The following SYNE2 variants were observed in gnomAD, a reference collection of about 807,000 sequenced individuals.
The protein encoded by SYNE2 is nesprin-2.
A neutral mutation model predicts 856.3 loss-of-function variants in SYNE2; 431 were observed. That is an observed-to-expected ratio of 0.50 (90% CI 0.47 to 0.55). The LOEUF is 0.55. Among genes scored for constraint, SYNE2 ranks in the 20% least tolerant of loss-of-function variants. The probability of loss-of-function intolerance (pLI) is 0.00; values close to 1 mark genes in which losing one functional copy is unlikely to be tolerated. For synonymous variants in SYNE2, 2,923 were observed against 2,872.3 expected (o/e 1.02, Z -0.56); for missense variants, 8,129 against 8,023.2 (o/e 1.01, Z -0.50).
chr14:64,106,839 A>T (rs969754342), intron 64 of SYNE2, among the ~76,000 whole-genome samples: 2 of 152,158 alleles, frequency 1.3e-5, no homozygotes, highest in Non-Finnish European at 2.9e-5. Flanking sequence ...ATACAATGAG[A>T]ATTTATTGTT....
chr14:63,977,480 G>C (rs1006668222), intron 12 of SYNE2, among the ~76,000 whole-genome samples: 1 of 152,154 alleles, frequency 6.6e-6, no homozygotes, highest in Non-Finnish European at 1.5e-5. Context: ...CCATAGTGCT[G>C]GGATTACAGG....
At chr14:64,208,600 GA>G (rs1472743301) in intron 100 of SYNE2, among the ~76,000 whole-genome samples, 157 bp from the exon 101 acceptor site, 1 of 152,204 alleles carries the variant, frequency 6.6e-6, no homozygotes, top group Non-Finnish European at 1.5e-5. Flanking sequence ...ACAAAGATGA[GA>G]GGGATTCCAT....
chr14:64,112,146 T>C (rs964376670), intron 65 of SYNE2, among the ~76,000 whole-genome samples: 1 of 152,234 alleles, frequency 6.6e-6, no homozygotes, highest in Non-Finnish European at 1.5e-5. Flanking sequence ...ACCAATTTTG[T>C]TCGCTCTTTT....
In SYNE2 at chr14:63,963,940, G is replaced by A; in HGVS notation, c.930G>A (p.Lys310=). The A allele has an allele frequency of 5.0e-6, 8 of 1,613,056 alleles. No homozygotes were observed. The highest frequency in any genetic ancestry group is 5.9e-6 in the Non-Finnish European group (7 of 1,179,282). Residue 310 remains lysine (K), a synonymous_variant, in exon 10 of 116, where the codon AAG becomes AAA. Coordinates refer to ENST00000555002, the MANE Select transcript of SYNE2 (RefSeq NM_182914.3). Reference sequence around the variant, plus strand: ...CTATGGGCTGGTTAACTCTGCAAAAGGAAAAACTACAGAAGTTGCTAAAGG... The same window carrying A: ...CTATGGGCTGGTTAACTCTGCAAAAAGAAAAACTACAGAAGTTGCTAAAGG... ...KDAMGWLTLQ[K]EKLQKLLKDS... is the part of the protein sequence containing the mutation.
At chr14:64,074,334 CAG>C (rs1251592287) in intron 53 of SYNE2, among the ~76,000 whole-genome samples, 198 bp downstream of exon 53, 1 of 152,184 alleles carries the variant, frequency 6.6e-6, no homozygotes, top group African/African-American at 2.4e-5. Context: ...GAGCAGAGAA[CAG>C]AGTTGAAACA....
At position 64,146,232 on chromosome 14, in the gene SYNE2, G is replaced by C; in HGVS notation, c.15639+9G>C. 1.2e-6 allele frequency: 2 copies of C among 1,603,446 alleles called. No homozygotes were observed. The highest frequency in any genetic ancestry group is 1.7e-6 in the Non-Finnish European group (2 of 1,175,438). ...TGCTCCTGGACTGTCAGGTGAGGAGGGGAACAGCATCCCACCCAACCCGCG... is the reference window on the plus strand; with the variant it reads ...TGCTCCTGGACTGTCAGGTGAGGAGCGGAACAGCATCCCACCCAACCCGCG... On this transcript the variant is annotated intron_variant, in intron 84 of 115. Transcript: ENST00000555002.
In SYNE2 at chr14:64,159,369, A is replaced by G. The variant is rs765618751; in HGVS notation, c.16021A>G (p.Ile5341Val). ...GAGTTGGGAGAAACTCCAGGAGGTT[A>G]TCGGCAAACTCAAAGGTCTCTGCCC... ...EGSWEKLQEV[I>V]GKLKGLCPSV... Residue 5341 changes from isoleucine to valine, a missense_variant, in exon 87 of 116, where the codon ATC becomes GTC. Physicochemically the swap from Ile to Val is conservative, Grantham distance 29. Transcript: ENST00000555002. The G allele has an allele frequency of 2.5e-6, 4 of 1,614,074 alleles. No individual in the cohort carries two copies. Among genetic ancestry groups the G allele is most frequent in the Non-Finnish European group, 3.4e-6 (4 of 1,179,922 alleles).
intron 7 of SYNE2, among the ~76,000 whole-genome samples, chr14:63,954,382 G>A (rs1418367365): frequency 6.6e-6 from 1 of 152,148 alleles, no homozygotes; most frequent in South Asian, 2.1e-4. Context: ...ATCTCCTGGA[G>A]GGCTTTTAAA....
At position 63,880,410 on chromosome 14, in the gene SYNE2, T is replaced by A. The variant is rs924436355; in HGVS notation, c.-52+27267T>A. Among the ~76,000 whole-genome samples the A allele has an allele frequency of 2.5e-4, 38 of 152,252 alleles. 1 individual carries two copies. The highest frequency in any genetic ancestry group is 8.9e-4 in the African/African-American group (37 of 41,538). On this transcript the variant is annotated intron_variant, in intron 1 of 115. Transcript: ENST00000555002. ...CCTGGCTGAAGTAGTTTTAAAAAAA[T>A]ATGTGTGGGTTACATATTTTTCATT...
Position 64,027,658 on chromosome 14 carries a change from A to G in SYNE2, c.6579A>G (p.Gln2193=), listed in dbSNP as rs373963217. 17 of 1,614,052 alleles carry G rather than the reference A, an allele frequency of 1.1e-5. No individual in the cohort carries two copies. The highest frequency in any genetic ancestry group is 1.3e-5 in the African/African-American group (1 of 74,948). The change falls in exon 43 of 116, where the codon CAA becomes CAG. Residue 2193 remains glutamine (Q), a synonymous_variant. Coordinates refer to ENST00000555002, the MANE Select transcript of SYNE2 (RefSeq NM_182914.3). The part of the protein sequence containing the change: ...KIYKKFLKKA[Q]DLTSLLKELK... ...ATAAGAAATTCCTCAAGAAAGCCCA[A>G]GATTTGACATCCTTGCTAAAGGAGT...
intron 103 of SYNE2, among the ~76,000 whole-genome samples, chr14:64,210,688 T>C (rs528282188): frequency 1.3e-5 from 2 of 152,368 alleles, no homozygotes; most frequent in African/African-American, 4.8e-5. Flanking sequence ...TGTGTAAACC[T>C]GTGTGAATCC....
At chr14:63,848,208 A>T (rs1483044762), upstream of SYNE2, 1 of 152,156 alleles carries the variant, frequency 6.6e-6, no homozygotes, top group African/African-American at 2.4e-5. Context: ...TTTGAAGTGT[A>T]AACTTTACCA....
chr14:63,834,683 C>A (rs1889787303), intron 1 of SYNE2, among the ~76,000 whole-genome samples: 1 of 149,864 alleles, frequency 6.7e-6, no homozygotes, highest in African/African-American at 2.5e-5. Flanking sequence ...ACTCTGTTGC[C>A]AGGCTGGAGT....
rs374829792 is a variant in SYNE2 at position 64,098,502 on chromosome 14, A to G, written c.12307-245A>G. 259 of 597,512 alleles carry G rather than the reference A, an allele frequency of 4.3e-4. 6 individuals carry two copies. In the South Asian group the frequency reaches 5.0e-3, roughly 12 times the overall value. The allele number at this position is 597,512 out of a possible 1,614,324, so 37.0% of individuals were successfully genotyped here. A position where few individuals can be genotyped will look rare whatever the true frequency, so the allele number is the denominator to read the frequency against. On this transcript the variant is annotated intron_variant, in intron 62 of 115. Transcript: ENST00000555002. ...GTCTTCTCTGCATTCACATCAATGA[A>G]TCACATTCTTTAATCGTTTATGAAG...
intron 48 of SYNE2, among the ~76,000 whole-genome samples, chr14:64,054,090 T>A (rs541199057): frequency 6.6e-6 from 1 of 152,322 alleles, no homozygotes; most frequent in African/African-American, 2.4e-5. Context: ...ACGTAGAAAT[T>A]CTCTACAGAA....
chr14:64,062,189 G>A (rs2097323002), intron 49 of SYNE2, among the ~76,000 whole-genome samples: 1 of 152,018 alleles, frequency 6.6e-6, no homozygotes, highest in Non-Finnish European at 1.5e-5. Context: ...TAAAAGTAAT[G>A]TAATTACTCT....
At chr14:64,037,885 C>T (rs893185896) in intron 45 of SYNE2, among the ~76,000 whole-genome samples, 8 of 148,266 alleles carry the variant, frequency 5.4e-5, no homozygotes, top group Admixed American at 1.3e-4. Flanking sequence ...GCTGGCCGGG[C>T]GGGGGGCTGA....
At chr14:64,087,099 A>ACAAAAC (rs1730866431) in intron 57 of SYNE2, among the ~76,000 whole-genome samples, 2 of 151,036 alleles carry the variant, frequency 1.3e-5, no homozygotes, top group South Asian at 4.2e-4. Flanking sequence ...TTGGTAAAAA[A>ACAAAAC]AAAAAAAAAA....
rs1436098870 is a variant in SYNE2, at chr14:64,224,402, T to G, written c.20383-59T>G. On this transcript the variant is annotated intron_variant, in intron 113 of 115. Coordinates refer to ENST00000555002, the MANE Select transcript of SYNE2 (RefSeq NM_182914.3). ...TTAAGGTAGGGGAGGGTGAGCTATA[T>G]CATGAAGAATATGCATGAAACACAT... is the stretch of plus-strand genomic sequence containing the variant. 1.3e-5 allele frequency: 16 copies of G among 1,273,496 alleles called. 1 individual carries two copies. The highest frequency in any genetic ancestry group is 1.8e-5 in the Non-Finnish European group (16 of 892,942). The allele number at this position is 1,273,496 out of a possible 1,614,324, so 78.9% of individuals were successfully genotyped here.
Sources: gnomAD v4.1 joint callset for allele counts (sites outside exome capture counted in the v4.1 genomes callset) on GRCh38, gnomAD v4.1.1 for gene constraint, MANE v1.5 for transcripts, NCBI Gene and HGNC (gene_info 2026-07-23, HGNC 2026-07-21) for gene names.